Variants in SLC25A26 observed in about 807,000 individuals in gnomAD.
SLC25A26 encodes the protein mitochondrial S-adenosylmethionine carrier protein.
A neutral mutation model predicts 37.8 loss-of-function variants in SLC25A26; 36 were observed. That is an observed-to-expected ratio of 0.95 (90% confidence interval 0.73 to 1.26). The LOEUF (loss-of-function observed/expected upper bound fraction) is 1.26, where lower values mean the gene tolerates loss of function less well. Among genes scored for constraint, SLC25A26 ranks in the 50% most tolerant of loss-of-function variants. SLC25A26 has a pLI of 0.00. For missense variants in SLC25A26, 390 were observed against 331.1 expected (o/e 1.18, Z -1.38); for synonymous variants, 129 against 122.5 (o/e 1.05, Z -0.35).
At chr3:66,163,640 C>A (rs1207077105) in intron 1 of SLC25A26, among the ~76,000 whole-genome samples, 2 of 152,166 alleles carry the variant, frequency 1.3e-5, no homozygotes, top group East Asian at 3.8e-4. Flanking sequence ...CTAGGCCTGG[C>A]CAGCCTGAGA....
chr3:66,357,558 C>T (rs2076604705), intron 6 of SLC25A26, among the ~76,000 whole-genome samples: 1 of 152,044 alleles, frequency 6.6e-6, no homozygotes, highest in African/African-American at 2.4e-5. Context: ...GTTGAGACTC[C>T]AATACTGCTT....
chr3:66,289,147 A>G (rs1280064321), intron 5 of SLC25A26, among the ~76,000 whole-genome samples: 2 of 152,064 alleles, frequency 1.3e-5, no homozygotes, highest in Non-Finnish European at 2.9e-5. Flanking sequence ...GTCTGTTCAT[A>G]TCCTTTGCCC....
upstream of SLC25A26, among the ~76,000 whole-genome samples, chr3:66,218,052 A>G (rs1332522701): frequency 6.6e-6 from 1 of 151,852 alleles, no homozygotes; most frequent in African/African-American, 2.4e-5. Context: ...ACTTTCTGTC[A>G]CTATAATTTT....
At chr3:66,182,319 C>T (rs577812001) in intron 1 of SLC25A26, among the ~76,000 whole-genome samples, 4 of 152,198 alleles carry the variant, frequency 2.6e-5, no homozygotes, top group African/African-American at 9.6e-5. Flanking sequence ...AAATGTCCCC[C>T]AAAAGCTGTT....
intron 2 of SLC25A26, among the ~76,000 whole-genome samples, chr3:66,241,532 C>T (rs1452000123): frequency 6.6e-6 from 1 of 152,098 alleles, no homozygotes; most frequent in Non-Finnish European, 1.5e-5. Context: ...ACATTCTTCC[C>T]TCGGGAGTTT....
intron 1 of SLC25A26, among the ~76,000 whole-genome samples, chr3:66,166,068 G>C (rs931496394): frequency 1.3e-5 from 2 of 152,122 alleles, no homozygotes; most frequent in African/African-American, 4.8e-5. Context: ...TTGATATTCT[G>C]TAAATTCTTG....
chr3:66,162,275 G>C (rs2070369473), intron 1 of SLC25A26, among the ~76,000 whole-genome samples: 1 of 151,266 alleles, frequency 6.6e-6, no homozygotes, highest in African/African-American at 2.4e-5. Flanking sequence ...CCTCTTTAAA[G>C]GCCCCGTCTC....
intron 5 of SLC25A26, among the ~76,000 whole-genome samples, chr3:66,299,487 GCAAA>G (rs2075009028): frequency 6.6e-6 from 1 of 152,112 alleles, no homozygotes; most frequent in South Asian, 2.1e-4. Flanking sequence ...GATGTGCTTG[GCAAA>G]CAAACTTTTG....
intron 5 of SLC25A26, among the ~76,000 whole-genome samples, chr3:66,267,118 T>C (rs142664604): frequency 3.3e-4 from 50 of 152,300 alleles, no homozygotes; most frequent in African/African-American, 1.0e-3. Context: ...GTAGACACTT[T>C]ACAGTGCAGT....
intron 5 of SLC25A26, among the ~76,000 whole-genome samples, chr3:66,345,327 G>T (rs541872002): frequency 3.3e-5 from 5 of 152,196 alleles, no homozygotes; most frequent in African/African-American, 9.6e-5. Context: ...CTGGAGACCT[G>T]TTTCTCAAGT....
chr3:66,309,099 C>T (rs886806768), intron 5 of SLC25A26, among the ~76,000 whole-genome samples: 1 of 151,936 alleles, frequency 6.6e-6, no homozygotes, highest in African/African-American at 2.4e-5. Context: ...GGAATAGTTT[C>T]AGAAGGAATG....
chr3:66,277,290 G>C (rs543607412), intron 5 of SLC25A26, among the ~76,000 whole-genome samples: 1 of 152,166 alleles, frequency 6.6e-6, no homozygotes, highest in East Asian at 1.9e-4. Flanking sequence ...ACGTCACTAT[G>C]CATCTCTAAA....
At chr3:66,150,603 GATATATATATAT>G (rs1169750069) in intron 1 of SLC25A26, among the ~76,000 whole-genome samples, 453 of 26,062 alleles carry the variant, frequency 0.017, no homozygotes, top group Non-Finnish European at 0.019. Context: ...TATGTAATGA[GATATATATATAT>G]ATATATATAT....
At chr3:66,362,991 C>G (rs971573725) in intron 7 of SLC25A26, 62 bp downstream of exon 7, 8 of 1,133,184 alleles carry the variant, frequency 7.1e-6, no homozygotes. Context: ...AAAATATTAA[C>G]TATGCAAAAA....
chr3:66,158,408 T>C (rs369619161), intron 1 of SLC25A26, among the ~76,000 whole-genome samples: 24 of 152,362 alleles, frequency 1.6e-4, no homozygotes, highest in African/African-American at 5.0e-4. Context: ...AACGCTGTTA[T>C]AAACATGTTG....
intron 1 of SLC25A26, among the ~76,000 whole-genome samples, chr3:66,236,010 C>A (rs781905225): frequency 1.3e-5 from 2 of 152,146 alleles, no homozygotes; most frequent in Non-Finnish European, 2.9e-5. Context: ...CTCCTAGGCT[C>A]AAGTTATCCT....
chr3:66,165,614 C>T (rs950115602), intron 1 of SLC25A26, among the ~76,000 whole-genome samples: 3 of 152,036 alleles, frequency 2.0e-5, no homozygotes, highest in Admixed American at 2.0e-4. Context: ...AACAAACTAA[C>T]TCACTTCTTT....
chr3:66,303,889 G>T (rs1363371407), intron 5 of SLC25A26, among the ~76,000 whole-genome samples: 2 of 152,194 alleles, frequency 1.3e-5, no homozygotes, highest in Non-Finnish European at 2.9e-5. Context: ...ATTTCCTTGT[G>T]GCAGTATGAC....
chr3:66,322,849 G>T (rs1008013916), intron 5 of SLC25A26, among the ~76,000 whole-genome samples: 4 of 152,128 alleles, frequency 2.6e-5, no homozygotes, highest in African/African-American at 7.2e-5. Context: ...TTGATATAAA[G>T]AATTTTCTGC....
Sources: gnomAD v4.1 joint callset for allele counts (sites outside exome capture counted in the v4.1 genomes callset) on GRCh38, gnomAD v4.1.1 for gene constraint, MANE v1.5 for transcripts, NCBI Gene and HGNC (gene_info 2026-07-23, HGNC 2026-07-21) for gene names.